RAB28: variants seen among roughly 807,000 people sequenced by gnomAD.
RAB28 encodes the protein ras-related protein Rab-28.
A neutral mutation model predicts 31.7 loss-of-function variants in RAB28; 24 were observed. The observed-to-expected ratio is 0.76, with a 90% CI of 0.55 to 1.06. The LOEUF is 1.06. Ranked by LOEUF, RAB28 falls within the 50% of genes least tolerant of loss-of-function variation. The probability of loss-of-function intolerance (pLI) is 0.00; values close to 1 mark genes in which losing one functional copy is unlikely to be tolerated. For synonymous variants in RAB28, 100 were observed against 90.4 expected (o/e 1.11, Z -0.60); for missense variants, 254 against 258.5 (o/e 0.98, Z 0.12).
chr4:13,382,742 G>A (rs373563882), intron 4 of RAB28, among the ~76,000 whole-genome samples: 24 of 143,802 alleles, frequency 1.7e-4, no homozygotes, highest in African/African-American at 5.2e-4. Flanking sequence ...ACTGTCACCC[G>A]GGCTGGAGTG....
intron 4 of RAB28, among the ~76,000 whole-genome samples, chr4:13,391,348 C>A (rs1729620440): frequency 6.6e-6 from 1 of 152,142 alleles, no homozygotes; most frequent in African/African-American, 2.4e-5. Flanking sequence ...ATCAAAACCA[C>A]AATGAGATAC....
In RAB28 at chr4:13,398,538, G is replaced by A. The variant is rs1398880806; in HGVS notation, c.392-16944C>T. Among the ~76,000 whole-genome samples the A allele has an allele frequency of 3.3e-5, 5 of 152,158 alleles. No homozygotes were observed. In the South Asian group the frequency reaches 6.2e-4, roughly 19 times the overall value. Reference sequence around the variant, plus strand: ...TCACGCCTGTAAGCCCAGCACTTTGGGAGGCAAAGATGGGCGGATCACGAG... The same window carrying A: ...TCACGCCTGTAAGCCCAGCACTTTGAGAGGCAAAGATGGGCGGATCACGAG... On this transcript the variant is annotated intron_variant, in intron 4 of 6. Transcript: ENST00000330852.
At chr4:13,461,835 A>G (rs527970340) in intron 3 of RAB28, among the ~76,000 whole-genome samples, 2 of 152,262 alleles carry the variant, frequency 1.3e-5, no homozygotes, top group African/African-American at 4.8e-5. Context: ...AACAGTAGTA[A>G]TCAACTACTT....
intron 3 of RAB28, among the ~76,000 whole-genome samples, chr4:13,462,507 T>C (rs571064577): frequency 2.6e-4 from 39 of 152,276 alleles, no homozygotes; most frequent in African/African-American, 8.2e-4. Flanking sequence ...TCACAAAAAC[T>C]GCTAAAAATT....
chr4:13,471,451 G>A (rs1171623578), intron 3 of RAB28, among the ~76,000 whole-genome samples: 5 of 151,924 alleles, frequency 3.3e-5, no homozygotes, highest in Admixed American at 3.3e-4. Flanking sequence ...ACTTAACATA[G>A]CATTTATTTG....
At chr4:13,402,606 TA>T (rs1356885858) in intron 4 of RAB28, among the ~76,000 whole-genome samples, 10 of 152,190 alleles carry the variant, frequency 6.6e-5, no homozygotes, top group African/African-American at 2.4e-4. Flanking sequence ...ATTTCTAAGC[TA>T]CCTGTATCTT....
At chr4:13,372,444 A>G (rs1316442183) in intron 6 of RAB28, among the ~76,000 whole-genome samples, 1 of 152,086 alleles carries the variant, frequency 6.6e-6, no homozygotes, top group Non-Finnish European at 1.5e-5. Context: ...GCAATTTCCT[A>G]ATCTATAAAA....
intron 3 of RAB28, among the ~76,000 whole-genome samples, chr4:13,469,990 T>A (rs1476418354): frequency 6.6e-6 from 1 of 152,054 alleles, no homozygotes; most frequent in East Asian, 1.9e-4. Flanking sequence ...TGGCCTGGAC[T>A]TGACAGAAGT....
rs1412871811 is a variant in RAB28, at chr4:13,388,827, T to C, written c.392-7233A>G. Among the ~76,000 whole-genome samples, 8 of 152,020 alleles carry C rather than the reference T, an allele frequency of 5.3e-5. No individual in the cohort carries two copies. The East Asian group carries it at 1.2e-3, about 22-fold the overall frequency. On this transcript the variant is annotated intron_variant, in intron 4 of 6. Coordinates refer to ENST00000330852, the MANE Select transcript of RAB28 (RefSeq NM_001017979.3). ...CAAGGATGAAAAAGATGTAGAGAAA[T>C]TGAAACACTAATGTTTGTTGGTGGG...
intron 4 of RAB28, among the ~76,000 whole-genome samples, chr4:13,458,682 T>C (rs1339768563): frequency 6.6e-6 from 1 of 152,250 alleles, no homozygotes; most frequent in African/African-American, 2.4e-5. Flanking sequence ...CATAAGATTA[T>C]AATGGAGCTT....
chr4:13,460,055 AT>A (rs1715514409), intron 4 of RAB28: 1 of 422,972 alleles, frequency 2.4e-6, no homozygotes, highest in Non-Finnish European at 4.1e-6. Flanking sequence ...ACTCTTAGGA[AT>A]TTTCTACTCA....
chr4:13,404,861 T>C (rs1711981959), intron 4 of RAB28, among the ~76,000 whole-genome samples: 1 of 152,062 alleles, frequency 6.6e-6, no homozygotes, highest in African/African-American at 2.4e-5. Flanking sequence ...ACTAACCAGT[T>C]TTTTTGTTGG....
intron 3 of RAB28, among the ~76,000 whole-genome samples, chr4:13,463,885 C>T (rs1479184228): frequency 6.6e-6 from 1 of 151,596 alleles, no homozygotes; most frequent in Admixed American, 6.6e-5. Flanking sequence ...TCAGCTCTGA[C>T]ATGTAAAAAA....
chr4:13,411,978 T>C (rs1362636405), intron 4 of RAB28, among the ~76,000 whole-genome samples: 4 of 151,656 alleles, frequency 2.6e-5, no homozygotes, highest in Non-Finnish European at 4.4e-5. Context: ...TTTAGGATTT[T>C]ACTGTGTCAG....
rs183069912 is a variant in RAB28 at position 13,449,060 on chromosome 4, A to C, written c.391+11639T>G. ...AATGGTTAAAAGGGCAGAATGTTTT[A>C]GCTTAAAATGTATAAAGAGAATGAA... On this transcript the variant is annotated intron_variant, in intron 4 of 6. Transcript: ENST00000330852. 1.8e-3 allele frequency among the ~76,000 whole-genome samples: 279 copies of C among 152,130 alleles called. 2 individuals are homozygous for C. The highest frequency in any genetic ancestry group is 5.9e-3 in the African/African-American group (245 of 41,576).
At chr4:13,373,057 A>AT (rs1184122839) in intron 6 of RAB28, among the ~76,000 whole-genome samples, 3 of 152,144 alleles carry the variant, frequency 2.0e-5, no homozygotes, top group Admixed American at 2.0e-4. Context: ...GCAAGTAAAA[A>AT]TGCTGAGGCT....
At chr4:13,403,159 G>T (rs556596990) in intron 4 of RAB28, among the ~76,000 whole-genome samples, 2 of 152,206 alleles carry the variant, frequency 1.3e-5, no homozygotes, top group South Asian at 4.1e-4. Flanking sequence ...AGCAGTCCTA[G>T]GAAAGACAGA....
At chr4:13,414,553 C>T (rs769518938) in intron 4 of RAB28, among the ~76,000 whole-genome samples, 2 of 152,190 alleles carry the variant, frequency 1.3e-5, no homozygotes, top group African/African-American at 4.8e-5. Context: ...TCCTATGTCA[C>T]TTCAACCAAC....
At chr4:13,477,549 TATTA>T (rs1470230941) in intron 2 of RAB28, among the ~76,000 whole-genome samples, 1 of 151,460 alleles carries the variant, frequency 6.6e-6, no homozygotes, top group Non-Finnish European at 1.5e-5. Context: ...TTAATATACC[TATTA>T]ATTATATAAA....
Sources: allele counts gnomAD v4.1 joint callset (sites outside exome capture counted in the v4.1 genomes callset), GRCh38; gene constraint gnomAD v4.1.1; transcripts MANE v1.5; gene names NCBI Gene and HGNC (gene_info 2026-07-23, HGNC 2026-07-21).